FAM227B: variants seen among roughly 807,000 people sequenced by gnomAD.
The protein encoded by FAM227B is family with sequence similarity 227 member B, also known as protein FAM227B.
In FAM227B, 88 loss-of-function variants were observed where a neutral mutation model predicts 73.8. The observed-to-expected ratio is 1.19, with a 90% CI of 1.00 to 1.42. The LOEUF (loss-of-function observed/expected upper bound fraction) is 1.42, where lower values mean the gene tolerates loss of function less well. FAM227B is among the 40% of genes most tolerant of loss of function. The pLI is 0.00. For missense variants in FAM227B, 632 were observed against 590.9 expected, an observed-to-expected ratio of 1.07 and a Z score of -0.72; for synonymous variants, 210 against 190.5, an observed-to-expected ratio of 1.10 and a Z score of -0.84.
chr15:49,484,248 G>C, intron 11 of FAM227B: 1 of 1,246,884 alleles, frequency 8.0e-7, no homozygotes, highest in Non-Finnish European at 1.1e-6. Context: ...CTTACTCTTC[G>C]TTTAATTGAG....
In FAM227B at chr15:49,568,316, C is replaced by A. The variant is rs750848770; in HGVS notation, c.676G>T (p.Asp226Tyr). ...PDRENQDCLF[D>Y]RISESYVTLF... The stretch of plus-strand genomic sequence containing the variant: ...GTCACATAACTTTCTGAAATTCTAT[C>A]GAATAAGCAATCTTGGTTTTCTCTG... Residue 226 changes from aspartate (D) to tyrosine (Y), a missense_variant, in exon 9 of 16, where the codon GAT becomes TAT. By Grantham distance (160) the Asp-to-Tyr change is radical. Coordinates refer to ENST00000299338, the MANE Select transcript of FAM227B (RefSeq NM_152647.3). 3 of 1,610,356 alleles carry A rather than the reference C, an allele frequency of 1.9e-6. No homozygotes were observed. The East Asian group carries it at 6.7e-5, about 36-fold the overall frequency.
chr15:49,414,521 T>C (rs2049082635), intron 11 of FAM227B, among the ~76,000 whole-genome samples: 1 of 152,102 alleles, frequency 6.6e-6, no homozygotes, highest in East Asian at 1.9e-4. Context: ...AAAAGAAAAG[T>C]AGAGTTTTAT....
chr15:49,403,455 A>G lies in FAM227B; in HGVS notation c.1013-32056T>C, dbSNP rs1352689659. 2.6e-5 allele frequency among the ~76,000 whole-genome samples: 4 copies of G among 152,192 alleles called. 1 individual carries two copies. Among genetic ancestry groups the G allele is most frequent in the Non-Finnish European group, 5.9e-5 (4 of 68,026 alleles). On this transcript the variant is annotated intron_variant, in intron 11 of 15. Coordinates refer to ENST00000299338, the MANE Select transcript of FAM227B (RefSeq NM_152647.3). ...TAATTTCAGAACATGTTATTGATCTATTCAGGGATTCAATTTCTTCCTGGT... is the reference window on the plus strand; with the variant it reads ...TAATTTCAGAACATGTTATTGATCTGTTCAGGGATTCAATTTCTTCCTGGT...
At chr15:49,496,931 T>TCACACACACACACA (rs147133019) in intron 11 of FAM227B, among the ~76,000 whole-genome samples, 1 of 142,056 alleles carries the variant, frequency 7.0e-6, no homozygotes, top group African/African-American at 2.5e-5. Context: ...ATACACAAAG[T>TCACACACACACACA]CACACACACA....
At chr15:49,529,450 C>T (rs753836744) in intron 10 of FAM227B, among the ~76,000 whole-genome samples, 1 of 151,696 alleles carries the variant, frequency 6.6e-6, no homozygotes, top group Non-Finnish European at 1.5e-5. Context: ...CAAACCTGCA[C>T]ATGTACCTGC....
At chr15:49,359,640 G>C (rs9744790) in intron 13 of FAM227B, among the ~76,000 whole-genome samples, 2,464 of 129,380 alleles carry the variant, frequency 0.019, 140 homozygotes, top group African/African-American at 0.07. Context: ...CACTGTTGGT[G>C]GGACTGTAAA....
At chr15:49,616,620 G>A (rs1256786820) in intron 1 of FAM227B, among the ~76,000 whole-genome samples, 2 of 152,032 alleles carry the variant, frequency 1.3e-5, no homozygotes, top group African/African-American at 4.8e-5. Context: ...TTGGACTTCT[G>A]GCCTTTAAAA....
At chr15:49,567,449 C>T (rs899990945) in intron 9 of FAM227B, among the ~76,000 whole-genome samples, 3 of 152,046 alleles carry the variant, frequency 2.0e-5, no homozygotes, top group African/African-American at 7.2e-5. Context: ...TAGTTTCTTT[C>T]TATCAAACTT....
Position 49,568,231 on chromosome 15 carries a change from A to C in FAM227B, c.747+14T>G. Reference sequence around the variant, plus strand: ...TTAAAAATAATTAGCATAACTGTTAATTTCAATGCTTACCTGAAAAAATGC... The same window carrying C: ...TTAAAAATAATTAGCATAACTGTTACTTTCAATGCTTACCTGAAAAAATGC... On this transcript the variant is annotated intron_variant, in intron 9 of 15. Coordinates refer to ENST00000299338, the MANE Select transcript of FAM227B (RefSeq NM_152647.3). 3 of 1,584,422 alleles carry C rather than the reference A, an allele frequency of 1.9e-6. No individual in the cohort carries two copies. Among genetic ancestry groups the C allele is most frequent in the Non-Finnish European group, 2.6e-6 (3 of 1,159,754 alleles).
intron 11 of FAM227B, among the ~76,000 whole-genome samples, chr15:49,382,960 C>T (rs545836438): frequency 2.4e-4 from 37 of 152,236 alleles, no homozygotes; most frequent in African/African-American, 8.7e-4. Context: ...TTTAAGTTCT[C>T]ATTGTGGTAG....
At chr15:49,393,946 A>G (rs1305575848) in intron 11 of FAM227B, among the ~76,000 whole-genome samples, 1 of 152,204 alleles carries the variant, frequency 6.6e-6, no homozygotes, top group Non-Finnish European at 1.5e-5. Flanking sequence ...ATGGGGAAGG[A>G]CAGACTGGTA....
chr15:49,553,041 G>C (rs1412782311), intron 9 of FAM227B, among the ~76,000 whole-genome samples: 1 of 152,028 alleles, frequency 6.6e-6, no homozygotes, highest in Non-Finnish European at 1.5e-5. Context: ...TTGGTGTCTG[G>C]GCATTAAAGA....
intron 2 of FAM227B, among the ~76,000 whole-genome samples, chr15:49,614,049 C>G (rs1396757959): frequency 4.6e-5 from 7 of 152,152 alleles, no homozygotes; most frequent in African/African-American, 1.7e-4. Context: ...ACAATTTAAG[C>G]ATTGACTTTT....
intron 11 of FAM227B, among the ~76,000 whole-genome samples, chr15:49,503,742 G>C (rs545793207): frequency 9.8e-5 from 15 of 152,310 alleles, no homozygotes; most frequent in African/African-American, 3.4e-4. Context: ...TCTCACACCA[G>C]TTAGAATGGT....
At chr15:49,482,606 G>A (rs1404626930) in intron 11 of FAM227B, among the ~76,000 whole-genome samples, 1 of 151,948 alleles carries the variant, frequency 6.6e-6, no homozygotes, top group Non-Finnish European at 1.5e-5. Flanking sequence ...AAATAGAAAA[G>A]TAATTATATA....
At chr15:49,591,474 CCCTT>C (rs1423136487) in intron 3 of FAM227B, among the ~76,000 whole-genome samples, 5 of 139,922 alleles carry the variant, frequency 3.6e-5, no homozygotes, top group East Asian at 2.2e-4. Context: ...CTGCACCTGG[CCCTT>C]CCTTCCTTTT....
At chr15:49,427,637 A>AG (rs2050240339) in intron 11 of FAM227B, among the ~76,000 whole-genome samples, 1 of 152,100 alleles carries the variant, frequency 6.6e-6, no homozygotes, top group South Asian at 2.1e-4. Flanking sequence ...TTTTCTCATG[A>AG]CTTTTTTTTG....
chr15:49,328,774 ATTTTT>A, intron 15 of FAM227B, 99 bp from the exon 16 acceptor site: 1 of 1,279,478 alleles, frequency 7.8e-7, no homozygotes. Flanking sequence ...GAGACTAAGG[ATTTTT>A]TTTTTTTTTT....
chr15:49,350,790 C>T (rs1327921921), intron 13 of FAM227B, among the ~76,000 whole-genome samples: 1 of 152,164 alleles, frequency 6.6e-6, no homozygotes, highest in Non-Finnish European at 1.5e-5. Context: ...CCTTTCCTAA[C>T]AGTGCTCTCT....
Sources: gnomAD v4.1 joint callset for allele counts (sites outside exome capture counted in the v4.1 genomes callset) on GRCh38, gnomAD v4.1.1 for gene constraint, MANE v1.5 for transcripts, NCBI Gene and HGNC (gene_info 2026-07-23, HGNC 2026-07-21) for gene names.